NEMF: variants seen among roughly 807,000 people sequenced by gnomAD.
The protein encoded by NEMF is ribosome quality control complex subunit NEMF.
In NEMF, 89 loss-of-function variants were observed where a neutral mutation model predicts 162.2. That is an observed-to-expected ratio of 0.55 (90% CI 0.46 to 0.65). The LOEUF (loss-of-function observed/expected upper bound fraction) is 0.65, where lower values mean the gene tolerates loss of function less well. Among genes scored for constraint, NEMF ranks in the 30% least tolerant of loss-of-function variants. The pLI is 0.00. For synonymous variants in NEMF, 421 were observed against 404.5 expected, an observed-to-expected ratio of 1.04 and a Z score of -0.49; for missense variants, 1,133 against 1,261.9, an observed-to-expected ratio of 0.90 and a Z score of 1.55.
chr14:49,814,937 A>C, intron 16 of NEMF, 80 bp from the exon 17 acceptor site: 1 of 790,424 alleles, frequency 1.3e-6, no homozygotes, highest in Non-Finnish European at 2.0e-6. Context: ...AAAACAAAAC[A>C]GGAAGCTATT....
intron 18 of NEMF, among the ~76,000 whole-genome samples, chr14:49,809,639 G>C (rs114079945): frequency 0.016 from 2,449 of 152,220 alleles, 59 homozygotes; most frequent in African/African-American, 0.055. Context: ...GAGGTGGGCA[G>C]AACACTTGTC....
At chr14:49,848,149 C>A (rs1004175837) in intron 3 of NEMF, among the ~76,000 whole-genome samples, 5 of 152,142 alleles carry the variant, frequency 3.3e-5, no homozygotes, top group Admixed American at 3.3e-4. Flanking sequence ...TTACAAGTGC[C>A]CTGCCACTGT....
At chr14:49,839,678 A>C (rs943040531) in intron 5 of NEMF, 1 of 152,220 alleles carries the variant, frequency 6.6e-6, no homozygotes, top group African/African-American at 2.4e-5. Flanking sequence ...TTTACCAAGA[A>C]ATCATAACCA....
chr14:49,784,790 C>T (rs1890082254), intron 32 of NEMF, 77 bp from the exon 33 acceptor site: 2 of 1,456,242 alleles, frequency 1.4e-6, no homozygotes, highest in African/African-American at 1.4e-5. Flanking sequence ...AAACGAAAAA[C>T]ATTTCCAAAC....
chr14:49,829,309 A>C, intron 12 of NEMF, 40 bp downstream of exon 12: 1 of 1,613,372 alleles, frequency 6.2e-7, no homozygotes, highest in South Asian at 1.1e-5. Context: ...AGTTAAAGTT[A>C]ACATTTTTGA....
At chr14:49,831,405 C>G (rs373163753) in intron 10 of NEMF, 44 bp from the exon 11 acceptor site, 4 of 1,139,280 alleles carry the variant, frequency 3.5e-6, no homozygotes, top group Admixed American at 1.9e-5. Context: ...AAAGCACAGT[C>G]TCTACTTCAA....
intron 26 of NEMF, among the ~76,000 whole-genome samples, chr14:49,790,892 C>G (rs149676857): frequency 6.6e-6 from 1 of 152,106 alleles, no homozygotes; most frequent in Admixed American, 6.6e-5. Context: ...ACTTGGGAGT[C>G]TGAGGTAGGA....
At chr14:49,799,763 C>CT (rs1722397148) in intron 23 of NEMF, 85 bp from the exon 24 acceptor site, 3 of 1,126,626 alleles carry the variant, frequency 2.7e-6, no homozygotes, top group South Asian at 2.9e-5. Context: ...ATATCATACT[C>CT]TTAAGTACTG....
At chr14:49,844,735 GCGCACA>G (rs1893398644) in intron 4 of NEMF, 14 of 158,340 alleles carry the variant, frequency 8.8e-5, no homozygotes, top group African/African-American at 2.9e-4. Context: ...GCGCACGCGC[GCGCACA>G]CACACACACA....
At chr14:49,786,780 C>T in intron 28 of NEMF, 30 bp from the exon 29 acceptor site, 2 of 1,600,416 alleles carry the variant, frequency 1.2e-6, no homozygotes, top group African/African-American at 2.7e-5. Context: ...ATAAAAATGT[C>T]AGCTATAATG....
chr14:49,786,618 T>G, intron 29 of NEMF, 100 bp downstream of exon 29: 1 of 1,169,168 alleles, frequency 8.6e-7, no homozygotes, highest in Non-Finnish European at 1.3e-6. Flanking sequence ...CCTGCAGTCT[T>G]GTCTTAGGTT....
At chr14:49,822,116 C>T (rs1404505904) in intron 16 of NEMF, among the ~76,000 whole-genome samples, 1 of 151,874 alleles carries the variant, frequency 6.6e-6, no homozygotes, top group Non-Finnish European at 1.5e-5. Flanking sequence ...AGGCAGCATG[C>T]TCGTTGAGAG....
Position 49,785,238 on chromosome 14 carries a change from G to C in NEMF, c.3011C>G (p.Thr1004Ser). The C allele has an allele frequency of 6.2e-7, 1 of 1,613,552 alleles. No individual in the cohort carries two copies. The highest frequency in any genetic ancestry group is 1.1e-5 in the South Asian group (1 of 91,060). Residue 1004 changes from threonine to serine, a missense_variant, in exon 30 of 33, where the codon ACC becomes AGC. Physicochemically the swap from Thr to Ser is moderately conservative, Grantham distance 58 (BLOSUM62 1). This residue lies in a region of NEMF where 532 missense variants were observed against 578.6 expected (regional missense o/e 0.92). Coordinates refer to ENST00000298310, the MANE Select transcript of NEMF (RefSeq NM_004713.6). ...AACTTACTTGTAGTTTGTCATGGTGGTGTAAGGGGCACATATTGGAATGGC... is the reference window on the plus strand; with the variant it reads ...AACTTACTTGTAGTTTGTCATGGTGCTGTAAGGGGCACATATTGGAATGGC... ...LFAIPICAPYTTMTNYKYKVK... is the reference protein window; with the variant it reads ...LFAIPICAPYSTMTNYKYKVK...
chr14:49,828,840 G>T, intron 13 of NEMF, 33 bp from the exon 14 acceptor site: 1 of 1,468,192 alleles, frequency 6.8e-7, no homozygotes, highest in Non-Finnish European at 9.1e-7. Flanking sequence ...TTTCACTAAC[G>T]TCAATGACAT....
chr14:49,851,365 A>G (rs890142811), intron 3 of NEMF, among the ~76,000 whole-genome samples, 198 bp downstream of exon 3: 1 of 152,236 alleles, frequency 6.6e-6, no homozygotes, highest in African/African-American at 2.4e-5. Context: ...GAAGATCTGG[A>G]GCAGAACAGG....
At chr14:49,815,500 T>C (rs1338139014) in intron 16 of NEMF, among the ~76,000 whole-genome samples, 1 of 152,208 alleles carries the variant, frequency 6.6e-6, no homozygotes, top group African/African-American at 2.4e-5. Context: ...GAGATTATCT[T>C]CTGTATGATT....
At chr14:49,820,428 G>A (rs922856405) in intron 16 of NEMF, 2 of 456,572 alleles carry the variant, frequency 4.4e-6, no homozygotes, top group Admixed American at 2.3e-5. Context: ...TGACTTCGCT[G>A]AAGTTCCTTA....
chr14:49,833,493 A>G lies in NEMF; in HGVS notation c.665T>C (p.Ile222Thr), dbSNP rs1482252103. Residue 222 changes from isoleucine to threonine, a missense_variant, in exon 8 of 33, where the codon ATT becomes ACT. Ile to Thr is a moderately conservative substitution (Grantham distance 89, BLOSUM62 -1). Around this residue, in one of 3 missense-constraint regions of NEMF, gnomAD observed 582 missense variants for 631.5 expected, o/e 0.92. Transcript: ENST00000298310. ...CTGCAGAGAAACAAGTACTTTTTCA[A>G]TATCTAATGGTGGGGGAAAAAAAGG... is the stretch of plus-strand genomic sequence containing the variant. Reference protein sequence around the residue: ...KVDEKLETKDIEKVLVSLQKA... With the variant: ...KVDEKLETKDTEKVLVSLQKA... 2 of 1,573,022 alleles carry G rather than the reference A, an allele frequency of 1.3e-6. No individual in the cohort carries two copies. Among genetic ancestry groups the G allele is most frequent in the South Asian group, 1.2e-5 (1 of 85,480 alleles).
At chr14:49,833,625 G>C in intron 7 of NEMF, 129 bp from the exon 8 acceptor site, 3 of 524,992 alleles carry the variant, frequency 5.7e-6, no homozygotes, top group Non-Finnish European at 6.8e-6. Context: ...ATTAGAGATA[G>C]TGATTTCATG....
Sources: gnomAD v4.1 joint callset for allele counts (sites outside exome capture counted in the v4.1 genomes callset) on GRCh38, gnomAD v4.1.1 for gene constraint, gnomAD v4.1.1 regional missense constraint, MANE v1.5 for transcripts, NCBI Gene and HGNC (gene_info 2026-07-23, HGNC 2026-07-21) for gene names.